Variants in HIPK3 observed in about 807,000 individuals in gnomAD.
The protein encoded by HIPK3 is homeodomain-interacting protein kinase 3.
HIPK3 carries 47 observed loss-of-function variants against 124.2 expected under a neutral mutation model. The ratio of observed to expected loss-of-function variants is 0.38; its 90% CI spans 0.30 to 0.48. HIPK3 has a LOEUF of 0.48. HIPK3 is among the 20% of genes least tolerant of loss of function. HIPK3 has a pLI of 0.98. For missense variants in HIPK3, 1,286 were observed against 1,454.3 expected (o/e 0.88, Z 1.88); for synonymous variants, 482 against 515.2 (o/e 0.94, Z 0.87).
intron 16 of HIPK3, 147 bp downstream of exon 16, chr11:33,352,412 TTAA>T (rs1853690086): frequency 1.3e-6 from 1 of 799,716 alleles, no homozygotes; most frequent in Non-Finnish European, 2.0e-6. Context: ...AGTAACTGGC[TTAA>T]TAATAGGATA....
At chr11:33,278,624 C>T (rs1242389932) in intron 1 of HIPK3, among the ~76,000 whole-genome samples, 1 of 152,102 alleles carries the variant, frequency 6.6e-6, no homozygotes, top group Admixed American at 6.6e-5. Context: ...ATTTAAGATA[C>T]ACGAGGTCAG....
intron 2 of HIPK3, among the ~76,000 whole-genome samples, chr11:33,300,929 G>A (rs1023025858): frequency 6.6e-6 from 1 of 152,062 alleles, no homozygotes; most frequent in Non-Finnish European, 1.5e-5. Flanking sequence ...TAGAGACAGG[G>A]TTTTGCCATG....
chr11:33,272,732 G>C (rs929794363), intron 1 of HIPK3, among the ~76,000 whole-genome samples: 6 of 47,958 alleles, frequency 1.3e-4, no homozygotes, highest in Admixed American at 9.0e-4. Flanking sequence ...AAGTGCAGTG[G>C]TGCAATCTCG....
At chr11:33,258,563 TG>T (rs1426670630) in intron 1 of HIPK3, 1 of 985,356 alleles carries the variant, frequency 1.0e-6, no homozygotes, top group Non-Finnish European at 1.2e-6. Context: ...GCGGCGGGGC[TG>T]TTGCCGGCTT....
chr11:33,277,107 C>T (rs903940520), intron 1 of HIPK3, among the ~76,000 whole-genome samples: 5 of 152,142 alleles, frequency 3.3e-5, no homozygotes, highest in African/African-American at 1.2e-4. Flanking sequence ...TAAACCCAGG[C>T]TATGAAAGTA....
intron 2 of HIPK3, among the ~76,000 whole-genome samples, chr11:33,314,637 CAG>C (rs1046969551): frequency 6.6e-6 from 1 of 152,084 alleles, no homozygotes. Flanking sequence ...GCCTGGGTGA[CAG>C]AGAGAGACTC....
chr11:33,304,899 C>T (rs1852110284), intron 2 of HIPK3, among the ~76,000 whole-genome samples: 1 of 152,252 alleles, frequency 6.6e-6, no homozygotes, highest in Non-Finnish European at 1.5e-5. Context: ...TTTATCATCT[C>T]ATCAGTAGTG....
intron 2 of HIPK3, among the ~76,000 whole-genome samples, chr11:33,306,571 T>G (rs1031246537): frequency 3.9e-5 from 6 of 152,224 alleles, no homozygotes; most frequent in African/African-American, 1.2e-4. Flanking sequence ...ATTCACAGGC[T>G]TATAATTTTA....
In HIPK3 at chr11:33,257,848, C is replaced by A; in HGVS notation, c.-44C>A. 1.0e-6 allele frequency: 1 copy of A among 985,768 alleles called. No homozygotes were observed. Among genetic ancestry groups the A allele is most frequent in the Non-Finnish European group, 1.2e-6 (1 of 830,212 alleles). 61.1% of individuals were successfully genotyped at this position (985,768 alleles called of 1,614,324 possible). A position where few individuals can be genotyped will look rare whatever the true frequency, so the allele number is the denominator to read the frequency against. On this transcript the variant is annotated 5_prime_UTR_variant, in exon 1 of 17. It adds an upstream start codon to the 5' untranslated region. Coordinates refer to ENST00000303296, the MANE Select transcript of HIPK3 (RefSeq NM_005734.5). Reference sequence around the variant, plus strand: ...CGCCCCACCCCGGACATGCTCAGGGCTGCGGCCGCCCGAAGAGGAGAGAGC... The same window carrying A: ...CGCCCCACCCCGGACATGCTCAGGGATGCGGCCGCCCGAAGAGGAGAGAGC...
intron 1 of HIPK3, among the ~76,000 whole-genome samples, chr11:33,262,277 C>T (rs1590333588): frequency 1.3e-5 from 2 of 152,300 alleles, no homozygotes; most frequent in African/African-American, 4.8e-5. Context: ...TAGTGTGCTG[C>T]TTCTGTAGCT....
chr11:33,257,203 G>A, upstream of HIPK3: 17 of 981,836 alleles, frequency 1.7e-5, no homozygotes, highest in Non-Finnish European at 1.9e-5. Context: ...CGGGCAACAA[G>A]GGCGCGGCTG....
At chr11:33,259,651 C>T (rs548229054) in intron 1 of HIPK3, among the ~76,000 whole-genome samples, 6 of 151,588 alleles carry the variant, frequency 4.0e-5, no homozygotes, top group Non-Finnish European at 5.9e-5. Flanking sequence ...AATGCTTAAC[C>T]TGTTTGAGAT....
intron 2 of HIPK3, among the ~76,000 whole-genome samples, chr11:33,301,823 C>CACACACACACACACACACAT (rs1852008570): frequency 7.0e-6 from 1 of 142,778 alleles, no homozygotes; most frequent in Non-Finnish European, 1.6e-5. Flanking sequence ...CCCTGTCTGA[C>CACACACACACACACACACAT]ACACACACAC....
chr11:33,291,271 G>C (rs1851691012), intron 2 of HIPK3, among the ~76,000 whole-genome samples: 1 of 152,092 alleles, frequency 6.6e-6, no homozygotes, highest in Non-Finnish European at 1.5e-5. Context: ...TCTTATACTT[G>C]ATTTTTCAAT....
intron 1 of HIPK3, among the ~76,000 whole-genome samples, chr11:33,270,383 A>G (rs1029772056): frequency 6.6e-6 from 1 of 151,972 alleles, no homozygotes; most frequent in African/African-American, 2.4e-5. Flanking sequence ...ATCTTGGCTC[A>G]CTGCAACTTC....
In HIPK3 at chr11:33,257,758, C is replaced by T; in HGVS notation, c.-134C>T. On this transcript the variant is annotated 5_prime_UTR_variant, in exon 1 of 17. Transcript: ENST00000303296. ...AGATGGCAGCGGCCGCGGAGAGGGG[C>T]TGAGCCCGGGCTGGGTGGTGCCGCC... 2 of 988,166 alleles carry T rather than the reference C, an allele frequency of 2.0e-6. No individual in the cohort carries two copies. Among genetic ancestry groups the T allele is most frequent in the Non-Finnish European group, 2.4e-6 (2 of 831,990 alleles). 61.2% of individuals were successfully genotyped at this position (988,166 alleles called of 1,614,324 possible). A position where few individuals can be genotyped will look rare whatever the true frequency, so the allele number is the denominator to read the frequency against.
rs374964013 is a variant in HIPK3 at position 33,302,339 on chromosome 11, C to CTTTTTTT, written c.1097+14830_1097+14831insTTTTTTT. 9.1e-3 allele frequency among the ~76,000 whole-genome samples: 1,101 copies of CTTTTTTT among 121,018 alleles called. 99 individuals carry two copies. The highest frequency in any genetic ancestry group is 0.029 in the African/African-American group (962 of 33,646). The allele number at this position is 121,018 out of a possible 152,430, so 79.4% of individuals were successfully genotyped here. ...TGAACTTCTCTATGATAATTCCTTA[C>CTTTTTTT]TTCTTTTTTTTTTTTTTGAGAAGGA... On this transcript the variant is annotated intron_variant, in intron 2 of 16. Transcript: ENST00000303296.
At chr11:33,304,934 C>T (rs1463892230) in intron 2 of HIPK3, among the ~76,000 whole-genome samples, 1 of 152,202 alleles carries the variant, frequency 6.6e-6, no homozygotes, top group Non-Finnish European at 1.5e-5. Flanking sequence ...TCTTCACATT[C>T]TTATCATGAC....
chr11:33,273,541 A>T (rs998465966), intron 1 of HIPK3, among the ~76,000 whole-genome samples: 1 of 149,396 alleles, frequency 6.7e-6, no homozygotes, highest in Non-Finnish European at 1.5e-5. Context: ...AAAAAAAAGA[A>T]GATTTTGGAC....
Sources: gnomAD v4.1 joint callset for allele counts (sites outside exome capture counted in the v4.1 genomes callset) on GRCh38, gnomAD v4.1.1 for gene constraint, MANE v1.5 for transcripts, NCBI Gene and HGNC (gene_info 2026-07-23, HGNC 2026-07-21) for gene names.